The following KCTD16 variants were observed in gnomAD, a reference collection of about 807,000 sequenced individuals.
KCTD16 encodes the protein BTB/POZ domain-containing protein KCTD16.
KCTD16 carries 13 observed loss-of-function variants against 33.2 expected under a neutral mutation model. The ratio of observed to expected loss-of-function variants is 0.39; its 90% CI spans 0.25 to 0.62. The LOEUF (loss-of-function observed/expected upper bound fraction) is 0.62, where lower values mean the gene tolerates loss of function less well. Ranked by LOEUF, KCTD16 falls within the 20% of genes least tolerant of loss-of-function variation. KCTD16 has a pLI of 0.50. For synonymous variants in KCTD16, 197 were observed against 195.3 expected, an observed-to-expected ratio of 1.01 and a Z score of -0.07; for missense variants, 441 against 525.1, an observed-to-expected ratio of 0.84 and a Z score of 1.57.
intron 3 of KCTD16, among the ~76,000 whole-genome samples, chr5:144,390,748 C>T (rs1251183575): frequency 8.6e-5 from 13 of 151,992 alleles, no homozygotes; most frequent in African/African-American, 3.1e-4. Flanking sequence ...CATTGTTCAA[C>T]TCCCACTTAT....
At chr5:144,423,871 T>C (rs549202808) in intron 3 of KCTD16, among the ~76,000 whole-genome samples, 4 of 152,190 alleles carry the variant, frequency 2.6e-5, no homozygotes, top group African/African-American at 4.8e-5. Flanking sequence ...CTAGGCCACA[T>C]TGGAAAAAGA....
At chr5:144,173,900 G>T (rs1752445829) in intron 1 of KCTD16, among the ~76,000 whole-genome samples, 1 of 122,788 alleles carries the variant, frequency 8.1e-6, no homozygotes, top group Non-Finnish European at 1.7e-5. Context: ...TTTCTTTTTG[G>T]ATTTTTTTTT....
chr5:144,328,339 A>G (rs2126889137), intron 3 of KCTD16, among the ~76,000 whole-genome samples: 1 of 152,172 alleles, frequency 6.6e-6, no homozygotes, highest in Admixed American at 6.6e-5. Flanking sequence ...AATTACATAA[A>G]TCTCCTCATT....
intron 3 of KCTD16, among the ~76,000 whole-genome samples, chr5:144,237,426 C>T (rs1248157975): frequency 2.6e-5 from 4 of 152,014 alleles, no homozygotes; most frequent in Admixed American, 2.0e-4. Context: ...CAAACAGTGG[C>T]TTATCTGTTG....
intron 3 of KCTD16, among the ~76,000 whole-genome samples, chr5:144,438,684 G>A (rs1284903160): frequency 6.6e-6 from 1 of 152,186 alleles, no homozygotes; most frequent in Non-Finnish European, 1.5e-5. Context: ...AGCACAGGTG[G>A]AGACAGCCAC....
chr5:144,195,414 G>A (rs573824537), intron 2 of KCTD16, among the ~76,000 whole-genome samples: 142 of 152,178 alleles, frequency 9.3e-4, no homozygotes, highest in South Asian at 2.3e-3. Context: ...AGTGCAGCCT[G>A]CTTGCTACCA....
At chr5:144,323,652 G>C (rs1752132052) in intron 3 of KCTD16, among the ~76,000 whole-genome samples, 1 of 152,162 alleles carries the variant, frequency 6.6e-6, no homozygotes, top group Admixed American at 6.5e-5. Context: ...TGCACAAAAA[G>C]AGTTGTAGAT....
rs141768295 is a variant in KCTD16 at position 144,436,837 on chromosome 5, C to T, written c.833-36823C>T. On this transcript the variant is annotated intron_variant, in intron 3 of 3. Transcript: ENST00000512467. ...TCCTGACCTCGTGATCCTCCCACCT[C>T]GGCCTCCCAAAGTGCCAGGATTATA... Among the ~76,000 whole-genome samples, 573 of 152,160 alleles carry T rather than the reference C, an allele frequency of 3.8e-3. 3 individuals are homozygous for T. The highest frequency in any genetic ancestry group is 0.012 in the African/African-American group (515 of 41,504).
chr5:144,219,331 AG>A (rs1753661633), intron 3 of KCTD16, among the ~76,000 whole-genome samples: 1 of 151,798 alleles, frequency 6.6e-6, no homozygotes, highest in Admixed American at 6.6e-5. Context: ...CTCCTGCCTC[AG>A]CCTCCCGTGT....
At chr5:144,446,884 G>A (rs1753831565) in intron 3 of KCTD16, among the ~76,000 whole-genome samples, 1 of 152,014 alleles carries the variant, frequency 6.6e-6, no homozygotes, top group Non-Finnish European at 1.5e-5. Context: ...TTAGAATGGC[G>A]ATCATTAAGA....
chr5:144,383,820 C>T (rs1175691295), intron 3 of KCTD16, among the ~76,000 whole-genome samples: 1 of 152,110 alleles, frequency 6.6e-6, no homozygotes, highest in Non-Finnish European at 1.5e-5. Context: ...CAGTTATGTC[C>T]TTTGCCTTCA....
chr5:144,310,759 G>C (rs1398422918), intron 3 of KCTD16, among the ~76,000 whole-genome samples: 1 of 152,008 alleles, frequency 6.6e-6, no homozygotes. Context: ...ACTTTATGTA[G>C]CTGTGAGGGG....
intron 3 of KCTD16, among the ~76,000 whole-genome samples, chr5:144,250,149 A>G (rs940335000): frequency 5.3e-5 from 8 of 152,306 alleles, no homozygotes; most frequent in African/African-American, 1.9e-4. Context: ...TGGGGGCTTT[A>G]TCATATCTGA....
At chr5:144,278,115 A>C (rs1055604889) in intron 3 of KCTD16, among the ~76,000 whole-genome samples, 9 of 152,058 alleles carry the variant, frequency 5.9e-5, no homozygotes, top group African/African-American at 1.9e-4. Context: ...GGTCTCAAAA[A>C]TTTTCTCTTA....
At chr5:144,241,505 C>T (rs531495113) in intron 3 of KCTD16, among the ~76,000 whole-genome samples, 9 of 152,142 alleles carry the variant, frequency 5.9e-5, no homozygotes, top group East Asian at 3.9e-4. Flanking sequence ...TCACTGACTT[C>T]GATGGATATT....
intron 3 of KCTD16, among the ~76,000 whole-genome samples, chr5:144,219,727 TCA>T (rs955275377): frequency 6.6e-6 from 1 of 151,676 alleles, no homozygotes; most frequent in Admixed American, 6.6e-5. Context: ...ACCATGTTGG[TCA>T]GTCTGGTCTC....
intron 3 of KCTD16, among the ~76,000 whole-genome samples, chr5:144,343,746 T>A (rs770477387): frequency 2.0e-5 from 3 of 152,228 alleles, no homozygotes; most frequent in African/African-American, 7.2e-5. Flanking sequence ...TACACACTGC[T>A]TTGAATGTGT....
rs776176066 is a variant in KCTD16, at chr5:144,482,158, T to G, written c.*8044T>G. On this transcript the variant is annotated 3_prime_UTR_variant, in exon 4 of 4. Coordinates refer to ENST00000512467, the MANE Select transcript of KCTD16 (RefSeq NM_020768.4). ...TTCTCTGAACTTTGCCTGTTTCTCC[T>G]CTCTCCTATGCTAAACAAGGTGAGA... The G allele has an allele frequency of 6.6e-6, 1 of 151,948 alleles. No homozygotes were observed. Among genetic ancestry groups the G allele is most frequent in the Non-Finnish European group, 1.5e-5 (1 of 67,946 alleles). The allele number at this position is 151,948 out of a possible 1,614,324, so 9.4% of individuals were successfully genotyped here.
intron 3 of KCTD16, 59 bp from the exon 4 acceptor site, chr5:144,473,601 C>T: frequency 7.0e-7 from 1 of 1,434,536 alleles, no homozygotes; most frequent in Non-Finnish European, 9.6e-7. Context: ...AAGTGCTATA[C>T]TGCTACTCCA....
Sources: allele counts gnomAD v4.1 joint callset (sites outside exome capture counted in the v4.1 genomes callset), GRCh38; gene constraint gnomAD v4.1.1; transcripts MANE v1.5; gene names NCBI Gene and HGNC (gene_info 2026-07-23, HGNC 2026-07-21).